Variants in KIRREL3 observed in about 807,000 individuals in gnomAD.
KIRREL3 encodes the protein kin of IRRE-like protein 3.
In KIRREL3, 36 loss-of-function variants were observed where a neutral mutation model predicts 89.7. The observed-to-expected ratio is 0.40, with a 90% CI of 0.31 to 0.53. The LOEUF (loss-of-function observed/expected upper bound fraction) is 0.53. Ranked by LOEUF, KIRREL3 falls within the 20% of genes least tolerant of loss-of-function variation. KIRREL3 has a pLI of 0.49. For missense variants in KIRREL3, 864 were observed against 1,056.6 expected, an observed-to-expected ratio of 0.82 and a Z score of 2.53; for synonymous variants, 445 against 441.4, an observed-to-expected ratio of 1.01 and a Z score of -0.10.
intron 1 of KIRREL3, among the ~76,000 whole-genome samples, chr11:126,618,004 G>T (rs1007306001): frequency 4.6e-5 from 7 of 152,180 alleles, no homozygotes; most frequent in African/African-American, 1.7e-4. Flanking sequence ...GAGGTGATTG[G>T]ATAATGTGGT....
intron 1 of KIRREL3, among the ~76,000 whole-genome samples, chr11:126,690,529 C>T (rs533010387): frequency 9.8e-4 from 149 of 152,164 alleles, no homozygotes; most frequent in African/African-American, 3.1e-3. Context: ...GGAAGGATGA[C>T]GGTTTTGTGC....
chr11:126,681,908 T>C (rs772534632), intron 1 of KIRREL3: 2 of 454,996 alleles, frequency 4.4e-6, no homozygotes, highest in African/African-American at 2.0e-5. Flanking sequence ...GATGAAATCA[T>C]GCAACAGAAA....
At chr11:126,988,886 C>T (rs1485435443) in intron 1 of KIRREL3, among the ~76,000 whole-genome samples, 1 of 152,070 alleles carries the variant, frequency 6.6e-6, no homozygotes, top group Non-Finnish European at 1.5e-5. Context: ...GAGGCCAGCA[C>T]ACTGAAACCA....
In KIRREL3 at chr11:126,571,696, G is replaced by A. The variant is rs979358465; in HGVS notation, c.56-8784C>T. Among the ~76,000 whole-genome samples the A allele has an allele frequency of 6.6e-6, 1 of 152,184 alleles. No homozygotes were observed. The highest frequency in any genetic ancestry group is 2.4e-5 in the African/African-American group (1 of 41,446). ...AGGTCACATTGCTAGTAAGTGCTGA[G>A]GTTAGTAAAGCTAATCATGAATGAG... On this transcript the variant is annotated intron_variant, in intron 1 of 16. Coordinates refer to ENST00000525144, the MANE Select transcript of KIRREL3 (RefSeq NM_032531.4). This position sits in a 1 kb window ranked among gnomAD's most constrained non-coding sequence, Gnocchi z 7.7.
At chr11:126,986,049 C>G (rs969488335) in intron 1 of KIRREL3, among the ~76,000 whole-genome samples, 50 of 152,162 alleles carry the variant, frequency 3.3e-4, no homozygotes, top group African/African-American at 1.2e-3. Flanking sequence ...GCCTTTCCCC[C>G]TTCCTCTACC....
chr11:126,504,128 G>C (rs1302753340), intron 4 of KIRREL3, among the ~76,000 whole-genome samples: 1 of 152,178 alleles, frequency 6.6e-6, no homozygotes, highest in African/African-American at 2.4e-5. Context: ...TCCAAGCTTT[G>C]TAGGGATAAA....
In KIRREL3 at chr11:126,977,256, G is replaced by A. The variant is rs1027651431; in HGVS notation, c.55+23199C>T. On this transcript the variant is annotated intron_variant, in intron 1 of 16. Transcript: ENST00000525144. This position sits in a 1 kb window ranked among gnomAD's most constrained non-coding sequence, Gnocchi z 4.7. ...CCTTTTTTTCAAAACTGAGCTCCTT[G>A]GAGAGTGTCTGCGCAGTCAGGTTGG... Among the ~76,000 whole-genome samples, 4 of 151,994 alleles carry A rather than the reference G, an allele frequency of 2.6e-5. No homozygotes were observed. Among genetic ancestry groups the A allele is most frequent in the Non-Finnish European group, 5.9e-5 (4 of 67,994 alleles).
Position 126,948,295 on chromosome 11 carries a change from A to G in KIRREL3, c.55+52160T>C, listed in dbSNP as rs1480529889. ...GGTCAAATTTCAAGAATAGCATAAA[A>G]AAAAAACCTCTTTGGCCTGAACCTG... On this transcript the variant is annotated intron_variant, in intron 1 of 16. Coordinates refer to ENST00000525144, the MANE Select transcript of KIRREL3 (RefSeq NM_032531.4). This position sits in a 1 kb window ranked among gnomAD's most constrained non-coding sequence, Gnocchi z 4.5. Among the ~76,000 whole-genome samples, 1 of 152,060 alleles carries G rather than the reference A, an allele frequency of 6.6e-6. No individual in the cohort carries two copies. Among genetic ancestry groups the G allele is most frequent in the Non-Finnish European group, 1.5e-5 (1 of 68,006 alleles).
intron 1 of KIRREL3, among the ~76,000 whole-genome samples, chr11:126,670,899 A>G (rs1945911719): frequency 6.6e-6 from 1 of 152,192 alleles, no homozygotes; most frequent in Non-Finnish European, 1.5e-5. Flanking sequence ...AAGTTGGAGG[A>G]CTCATACTAC....
chr11:126,453,795 G>A lies in KIRREL3; in HGVS notation c.848+2554C>T, dbSNP rs117274500. ...GAGGGAGATGACCCCTCAGTGAGGT[G>A]TTTTCAGGGCCCTTCACTAATCAGA... On this transcript the variant is annotated intron_variant, in intron 7 of 16. Coordinates refer to ENST00000525144, the MANE Select transcript of KIRREL3 (RefSeq NM_032531.4). Among the ~76,000 whole-genome samples, 26 of 152,244 alleles carry A rather than the reference G, an allele frequency of 1.7e-4. No individual in the cohort carries two copies. In the East Asian group the frequency reaches 4.5e-3, roughly 26 times the overall value.
At chr11:126,602,960 A>G (rs528863237) in intron 1 of KIRREL3, among the ~76,000 whole-genome samples, 140 of 152,262 alleles carry the variant, frequency 9.2e-4, no homozygotes, top group Non-Finnish European at 1.8e-3. Context: ...TCAAGAAGTA[A>G]TGATTGGAGG....
In KIRREL3 at chr11:126,639,689, G is replaced by A. The variant is rs1223826874; in HGVS notation, c.56-76777C>T. Among the ~76,000 whole-genome samples the A allele has an allele frequency of 6.6e-6, 1 of 152,158 alleles. No individual in the cohort carries two copies. Among genetic ancestry groups the A allele is most frequent in the Non-Finnish European group, 1.5e-5 (1 of 68,030 alleles). ...TAATATTCTCCCTGGTGTTGATTTT[G>A]TTCAAATATATTGGGCCCATCAATC... On this transcript the variant is annotated intron_variant, in intron 1 of 16. Coordinates refer to ENST00000525144, the MANE Select transcript of KIRREL3 (RefSeq NM_032531.4). The surrounding 1 kb of genome is among the most constrained non-coding windows in gnomAD (Gnocchi z 4.3).
intron 1 of KIRREL3, among the ~76,000 whole-genome samples, chr11:126,585,777 T>TG (rs942331312): frequency 3.9e-5 from 6 of 151,984 alleles, no homozygotes; most frequent in Non-Finnish European, 8.8e-5. Context: ...TGTCACACTC[T>TG]GGGGGGGCAT....
At chr11:126,425,346 G>A (rs563664353) in intron 16 of KIRREL3, among the ~76,000 whole-genome samples, 4 of 152,206 alleles carry the variant, frequency 2.6e-5, no homozygotes, top group Non-Finnish European at 5.9e-5. Context: ...TCATTTGAAA[G>A]TCAGGCTTTT....
At position 126,653,383 on chromosome 11, in the gene KIRREL3, T is replaced by C. The variant is rs926928368; in HGVS notation, c.56-90471A>G. ...CCCCTGTGCTGCCTCAGTTTGTAAG[T>C]AGGCATTTGACCTTGTGGGGAATCA... On this transcript the variant is annotated intron_variant, in intron 1 of 16. Transcript: ENST00000525144. This position sits in a 1 kb window ranked among gnomAD's most constrained non-coding sequence, Gnocchi z 5.4. Among the ~76,000 whole-genome samples, 13 of 92,432 alleles carry C rather than the reference T, an allele frequency of 1.4e-4. No homozygotes were observed. Among genetic ancestry groups the C allele is most frequent in the African/African-American group, 3.6e-4 (12 of 33,284 alleles). 60.6% of individuals were successfully genotyped at this position (92,432 alleles called of 152,430 possible).
intron 1 of KIRREL3, among the ~76,000 whole-genome samples, chr11:126,840,667 G>C (rs1306347154): frequency 6.6e-6 from 1 of 152,168 alleles, no homozygotes; most frequent in Non-Finnish European, 1.5e-5. Context: ...ATAAAATCTT[G>C]TGCAGAACAG....
At position 126,697,188 on chromosome 11, in the gene KIRREL3, C is replaced by G. The variant is rs1365796948; in HGVS notation, c.56-134276G>C. On this transcript the variant is annotated intron_variant, in intron 1 of 16. Coordinates refer to ENST00000525144, the MANE Select transcript of KIRREL3 (RefSeq NM_032531.4). This position sits in a 1 kb window ranked among gnomAD's most constrained non-coding sequence, Gnocchi z 4.2. ...CCCAGACCTGTGTTCACCTGGCTCA[C>G]AGCCCTCCTTAATTACAATTGTAAT... is the stretch of plus-strand genomic sequence containing the variant. Among the ~76,000 whole-genome samples the G allele has an allele frequency of 6.6e-6, 1 of 152,196 alleles. No individual in the cohort carries two copies. The highest frequency in any genetic ancestry group is 1.5e-5 in the Non-Finnish European group (1 of 68,042).
chr11:126,811,695 C>T lies in KIRREL3; in HGVS notation c.55+188760G>A, dbSNP rs1205745549. On this transcript the variant is annotated intron_variant, in intron 1 of 16. Transcript: ENST00000525144. The surrounding 1 kb of genome is among the most constrained non-coding windows in gnomAD (Gnocchi z 4.3). ...TCTGCCTCCTAGGTTCAAGAGATTA[C>T]TCTGCTTCAGCCTCCCAAGTAGCGG... 6.6e-6 allele frequency among the ~76,000 whole-genome samples: 1 copy of T among 152,108 alleles called. No individual in the cohort carries two copies. Among genetic ancestry groups the T allele is most frequent in the Non-Finnish European group, 1.5e-5 (1 of 68,006 alleles).
chr11:126,740,009 T>C lies in KIRREL3; in HGVS notation c.56-177097A>G, dbSNP rs866951764. Among the ~76,000 whole-genome samples the C allele has an allele frequency of 2.6e-5, 4 of 151,762 alleles. No individual in the cohort carries two copies. The highest frequency in any genetic ancestry group is 7.3e-5 in the African/African-American group (3 of 41,260). On this transcript the variant is annotated intron_variant, in intron 1 of 16. Transcript: ENST00000525144. The surrounding 1 kb of genome is among the most constrained non-coding windows in gnomAD (Gnocchi z 6.0). The stretch of plus-strand genomic sequence containing the variant: ...GAATTTGTCATGACTCACTGGAGGG[T>C]AGGGTGTATGGAGGGAGGGGGCAGA...
Sources: gnomAD v4.1 joint callset for allele counts (sites outside exome capture counted in the v4.1 genomes callset) on GRCh38, gnomAD v4.1.1 for gene constraint, Gnocchi (gnomAD v3.1) non-coding constraint, MANE v1.5 for transcripts, NCBI Gene and HGNC (gene_info 2026-07-23, HGNC 2026-07-21) for gene names.